JCHAIN: variants seen among roughly 807,000 people sequenced by gnomAD.
The protein encoded by JCHAIN is immunoglobulin J chain.
A neutral mutation model predicts 11.1 loss-of-function variants in JCHAIN; 5 were observed. That is an observed-to-expected ratio of 0.45 (90% CI 0.24 to 0.95). The LOEUF (loss-of-function observed/expected upper bound fraction) is 0.95, where lower values mean the gene tolerates loss of function less well. Among genes scored for constraint, JCHAIN ranks in the 40% least tolerant of loss-of-function variants. The pLI is 0.21. For synonymous variants in JCHAIN, 51 were observed against 67.8 expected, an observed-to-expected ratio of 0.75 and a Z score of 1.22; for missense variants, 165 against 192.7, an observed-to-expected ratio of 0.86 and a Z score of 0.85.
intron 1 of JCHAIN, among the ~76,000 whole-genome samples, chr4:70,663,002 A>G (rs983174664): frequency 6.6e-6 from 1 of 152,104 alleles, no homozygotes; most frequent in Non-Finnish European, 1.5e-5. Context: ...GATAGAGTAT[A>G]TATAGATATA....
At chr4:70,662,296 G>C (rs1739074877) in intron 1 of JCHAIN, 81 bp from the exon 2 acceptor site, 5 of 1,281,248 alleles carry the variant, frequency 3.9e-6, no homozygotes, top group Non-Finnish European at 5.5e-6. Context: ...TATCTTTCTT[G>C]CCTGCAGAAA....
At chr4:70,657,971 T>C (rs1018144884) in intron 2 of JCHAIN, among the ~76,000 whole-genome samples, 1 of 152,128 alleles carries the variant, frequency 6.6e-6, no homozygotes, top group African/African-American at 2.4e-5. Context: ...TTTCATTAAC[T>C]TTAACATTTT....
chr4:70,661,097 T>C (rs1739048770), intron 2 of JCHAIN, among the ~76,000 whole-genome samples: 3 of 152,356 alleles, frequency 2.0e-5, no homozygotes, highest in South Asian at 4.1e-4. Flanking sequence ...CATTATACTT[T>C]TTCCATTGAT....
chr4:70,658,400 G>A (rs913933566), intron 2 of JCHAIN, among the ~76,000 whole-genome samples: 1 of 152,090 alleles, frequency 6.6e-6, no homozygotes, highest in Non-Finnish European at 1.5e-5. Flanking sequence ...AGCATAGAAG[G>A]CACGTATCCT....
At position 70,656,282 on chromosome 4, in the gene JCHAIN, G is replaced by A; in HGVS notation, c.*47C>T. 1 of 1,271,270 alleles carries A rather than the reference G, an allele frequency of 7.9e-7. No homozygotes were observed. Among genetic ancestry groups the A allele is most frequent in the South Asian group, 1.2e-5 (1 of 80,424 alleles). 78.7% of individuals were successfully genotyped at this position (1,271,270 alleles called of 1,614,324 possible). On this transcript the variant is annotated 3_prime_UTR_variant, in exon 4 of 4. Coordinates refer to ENST00000254801, the MANE Select transcript of JCHAIN (RefSeq NM_144646.4). ...ATATGCTAACTTTCTGAATCAAAAT[G>A]GAGAGCCTCTCAAGAAAAAGAGCTA...
At position 70,655,839 on chromosome 4, in the gene JCHAIN, A is replaced by G. The variant is rs1451849105; in HGVS notation, c.*490T>C. 1 of 152,096 alleles carries G rather than the reference A, an allele frequency of 6.6e-6. No individual in the cohort carries two copies. The highest frequency in any genetic ancestry group is 6.6e-5 in the Admixed American group (1 of 15,264). 9.4% of individuals were successfully genotyped at this position (152,096 alleles called of 1,614,324 possible). On this transcript the variant is annotated 3_prime_UTR_variant, in exon 4 of 4. Coordinates refer to ENST00000254801, the MANE Select transcript of JCHAIN (RefSeq NM_144646.4). ...ATTATTATTTTTCTAATGGAGACAT[A>G]TAATTGACCTATGTTTATGCATATA... is the stretch of plus-strand genomic sequence containing the variant.
At chr4:70,658,571 C>T (rs1353580508) in intron 2 of JCHAIN, among the ~76,000 whole-genome samples, 1 of 152,164 alleles carries the variant, frequency 6.6e-6, no homozygotes, top group Non-Finnish European at 1.5e-5. Flanking sequence ...TACAGTGTGC[C>T]TGGTACTATG....
In JCHAIN at chr4:70,656,215, A is replaced by T; in HGVS notation, c.*114T>A. On this transcript the variant is annotated 3_prime_UTR_variant, in exon 4 of 4. Coordinates refer to ENST00000254801, the MANE Select transcript of JCHAIN (RefSeq NM_144646.4). Reference sequence around the variant, plus strand: ...GCAGGGAGTTGGTTTTACATCACCCAAAAAAAAAAAAAAGCCCTGGTTTCA... The same window carrying T: ...GCAGGGAGTTGGTTTTACATCACCCTAAAAAAAAAAAAAGCCCTGGTTTCA... The T allele has an allele frequency of 6.8e-6, 1 of 146,478 alleles. No individual in the cohort carries two copies. The highest frequency in any genetic ancestry group is 1.4e-5 in the Non-Finnish European group (1 of 73,010). 9.1% of individuals were successfully genotyped at this position (146,478 alleles called of 1,614,324 possible).
At chr4:70,665,200 G>A (rs1041206611) in intron 1 of JCHAIN, among the ~76,000 whole-genome samples, 1 of 152,144 alleles carries the variant, frequency 6.6e-6, no homozygotes, top group Non-Finnish European at 1.5e-5. Context: ...AGGAGTGCGG[G>A]CTATAGGGTC....
chr4:70,657,984 TC>T (rs1253657909), intron 2 of JCHAIN, among the ~76,000 whole-genome samples: 1 of 152,144 alleles, frequency 6.6e-6, no homozygotes, highest in Non-Finnish European at 1.5e-5. Context: ...AACATTTTTT[TC>T]ATCTAAGTCA....
intron 1 of JCHAIN, among the ~76,000 whole-genome samples, chr4:70,664,840 C>G (rs1337772642): frequency 1.3e-5 from 2 of 152,188 alleles, no homozygotes; most frequent in African/African-American, 4.8e-5. Flanking sequence ...CATATGATTA[C>G]TTCCTTACCA....
At chr4:70,665,790 A>G (rs1739139382) in intron 1 of JCHAIN, 2 of 181,174 alleles carry the variant, frequency 1.1e-5, no homozygotes, top group South Asian at 1.8e-4. Flanking sequence ...AGAACCACAG[A>G]CTCAGTGATA....
intron 1 of JCHAIN, 43 bp downstream of exon 1, chr4:70,666,384 T>C: frequency 7.2e-7 from 1 of 1,387,206 alleles, no homozygotes; most frequent in Non-Finnish European, 1.0e-6. Flanking sequence ...ATCTGTCCTA[T>C]ATTTTTCCTT....
At chr4:70,658,131 A>C (rs1738990018) in intron 2 of JCHAIN, among the ~76,000 whole-genome samples, 2 of 152,098 alleles carry the variant, frequency 1.3e-5, no homozygotes, top group African/African-American at 4.8e-5. Flanking sequence ...TCACATATCT[A>C]ATCAATCTCA....
At chr4:70,665,620 C>A (rs1036926827) in intron 1 of JCHAIN, among the ~76,000 whole-genome samples, 1 of 151,786 alleles carries the variant, frequency 6.6e-6, no homozygotes, top group African/African-American at 2.4e-5. Flanking sequence ...TTATATATAT[C>A]ATATATTTTT....
At chr4:70,662,864 C>A (rs1739088494) in intron 1 of JCHAIN, among the ~76,000 whole-genome samples, 1 of 151,672 alleles carries the variant, frequency 6.6e-6, no homozygotes, top group South Asian at 2.1e-4. Context: ...GAGTCTGAGG[C>A]AGGAGAATCA....
intron 2 of JCHAIN, among the ~76,000 whole-genome samples, chr4:70,660,477 G>A (rs745842264): frequency 3.0e-4 from 45 of 150,594 alleles, no homozygotes; most frequent in South Asian, 1.0e-3. Flanking sequence ...TCCGCCTTCC[G>A]GGTTCAAGTG....
chr4:70,664,343 A>G, intron 1 of JCHAIN, among the ~76,000 whole-genome samples: 1 of 152,138 alleles, frequency 6.6e-6, no homozygotes, highest in Admixed American at 6.5e-5. Flanking sequence ...TAAAAAAAAA[A>G]CATTTAGTAT....
At position 70,663,892 on chromosome 4, in the gene JCHAIN, T is replaced by G. The variant is rs552034380; in HGVS notation, c.65-1677A>C. 2.6e-5 allele frequency among the ~76,000 whole-genome samples: 4 copies of G among 151,880 alleles called. No individual in the cohort carries two copies. The East Asian group carries it at 7.8e-4, about 30-fold the overall frequency. Reference sequence around the variant, plus strand: ...CAGATTTTAAAAATTCAATAATAGCTTTACATAAGTAATGCTATTAAATAA... The same window carrying G: ...CAGATTTTAAAAATTCAATAATAGCGTTACATAAGTAATGCTATTAAATAA... On this transcript the variant is annotated intron_variant, in intron 1 of 3. Transcript: ENST00000254801.
Sources: allele counts gnomAD v4.1 joint callset (sites outside exome capture counted in the v4.1 genomes callset), GRCh38; gene constraint gnomAD v4.1.1; transcripts MANE v1.5; gene names NCBI Gene and HGNC (gene_info 2026-07-23, HGNC 2026-07-21).